Variants in DPH6 observed in about 807,000 individuals in gnomAD.
The protein encoded by DPH6 is diphthamine biosynthesis 6.
In DPH6, 33 loss-of-function variants were observed where a neutral mutation model predicts 38.2. The observed-to-expected ratio is 0.86, with a 90% confidence interval of 0.65 to 1.15. The LOEUF is 1.15. DPH6 is among the 50% of genes most tolerant of loss of function. The probability of loss-of-function intolerance (pLI) is 0.00; values close to 1 mark genes in which losing one functional copy is unlikely to be tolerated. For synonymous variants in DPH6, 108 were observed against 103.0 expected, an observed-to-expected ratio of 1.05 and a Z score of -0.30; for missense variants, 325 against 320.0, an observed-to-expected ratio of 1.02 and a Z score of -0.12.
At chr15:35,477,444 G>A (rs2054276328) in intron 3 of DPH6, among the ~76,000 whole-genome samples, 1 of 151,680 alleles carries the variant, frequency 6.6e-6, no homozygotes, top group Non-Finnish European at 1.5e-5. Context: ...TACTGCAAAG[G>A]CTGCATGGTA....
At chr15:35,401,490 C>G (rs1165433369) in intron 6 of DPH6, 1 of 770,766 alleles carries the variant, frequency 1.3e-6, no homozygotes, top group Non-Finnish European at 2.4e-6. Context: ...AGGGCAGTGG[C>G]TATGGCAGGA....
intron 3 of DPH6, among the ~76,000 whole-genome samples, chr15:35,361,103 C>A (rs995736984): frequency 1.3e-5 from 2 of 152,088 alleles, no homozygotes; most frequent in African/African-American, 2.4e-5. Flanking sequence ...CCAAGCGTGT[C>A]CGGAACTGAG....
At chr15:35,458,801 C>A (rs2054027974) in intron 3 of DPH6, among the ~76,000 whole-genome samples, 1 of 152,162 alleles carries the variant, frequency 6.6e-6, no homozygotes, top group Non-Finnish European at 1.5e-5. Flanking sequence ...TAATCATGTA[C>A]AATCAACTGC....
intron 3 of DPH6, among the ~76,000 whole-genome samples, chr15:35,225,646 C>T (rs1313907377): frequency 6.6e-6 from 1 of 152,128 alleles, no homozygotes; most frequent in African/African-American, 2.4e-5. Context: ...GATACAGAAT[C>T]AGCCATTTCT....
intron 3 of DPH6, among the ~76,000 whole-genome samples, chr15:35,289,025 T>C (rs1349233520): frequency 6.6e-6 from 1 of 151,552 alleles, no homozygotes; most frequent in African/African-American, 2.4e-5. Context: ...GAGGAACTTG[T>C]ATTTTTACCG....
intron 3 of DPH6, among the ~76,000 whole-genome samples, chr15:35,314,801 T>A (rs1272448132): frequency 6.6e-6 from 1 of 152,156 alleles, no homozygotes; most frequent in African/African-American, 2.4e-5. Flanking sequence ...CGTCTTCTCT[T>A]TTTCTGTGCA....
chr15:35,515,299 A>G (rs1348194528), intron 3 of DPH6, among the ~76,000 whole-genome samples: 2 of 152,118 alleles, frequency 1.3e-5, no homozygotes, highest in Non-Finnish European at 2.9e-5. Context: ...AATCATCTGA[A>G]AAAGTTCATA....
chr15:35,154,503 G>C, the DPH6 span, among the ~76,000 whole-genome samples: 1 of 152,054 alleles, frequency 6.6e-6, no homozygotes, highest in Non-Finnish European at 1.5e-5. Flanking sequence ...TCAACTGGTG[G>C]TAATTATTGT....
chr15:35,454,806 T>A lies in DPH6; in HGVS notation c.327A>T (p.Val109=). 1 of 1,599,252 alleles carries A rather than the reference T, an allele frequency of 6.3e-7. No individual in the cohort carries two copies. The highest frequency in any genetic ancestry group is 8.5e-7 in the Non-Finnish European group (1 of 1,175,316). The change falls in exon 4 of 9, where the codon GTA becomes GTT. Residue 109 remains valine, a synonymous_variant. Coordinates refer to ENST00000256538, the MANE Select transcript of DPH6 (RefSeq NM_080650.4). ...LLKLVKEKEE[V]EGISVGAILS... ...GTATAGCACCTACTGATATCCCCTC[T>A]ACTTCTTCTTTTTCCTGAAAATAAA...
intron 3 of DPH6, among the ~76,000 whole-genome samples, chr15:35,502,793 T>A (rs1447995375): frequency 6.6e-6 from 1 of 151,326 alleles, no homozygotes; most frequent in African/African-American, 2.4e-5. Context: ...TCAATTCATT[T>A]AAGTAGGAAC....
At chr15:35,178,949 G>A in the DPH6 span, among the ~76,000 whole-genome samples, 1 of 152,094 alleles carries the variant, frequency 6.6e-6, no homozygotes, top group Non-Finnish European at 1.5e-5. Flanking sequence ...GCTCACACTT[G>A]TAATCTCAGC....
At chr15:35,410,973 C>T in intron 5 of DPH6, 77 bp from the exon 6 acceptor site, 2 of 1,254,644 alleles carry the variant, frequency 1.6e-6, no homozygotes, top group Non-Finnish European at 2.2e-6. Flanking sequence ...TCCCTTGGCC[C>T]CTCCTCACCT....
At chr15:35,431,565 A>G (rs570568411) in intron 5 of DPH6, among the ~76,000 whole-genome samples, 1 of 152,290 alleles carries the variant, frequency 6.6e-6, no homozygotes, top group African/African-American at 2.4e-5. Context: ...CAGAGGCTAT[A>G]AAGACCCAAA....
the DPH6 span, among the ~76,000 whole-genome samples, chr15:35,160,058 T>G: frequency 1.3e-5 from 2 of 151,792 alleles, no homozygotes; most frequent in African/African-American, 4.8e-5. Flanking sequence ...GGAGAAGAAG[T>G]GGGGGAAGGA....
At chr15:35,262,639 G>C (rs2051755313) in intron 3 of DPH6, among the ~76,000 whole-genome samples, 1 of 146,594 alleles carries the variant, frequency 6.8e-6, no homozygotes, top group Non-Finnish European at 1.5e-5. Flanking sequence ...CCGGGAGGCG[G>C]AGCTTGCAGT....
At chr15:35,455,653 A>C (rs1595380317) in intron 3 of DPH6, among the ~76,000 whole-genome samples, 2 of 152,202 alleles carry the variant, frequency 1.3e-5, no homozygotes, top group East Asian at 3.8e-4. Context: ...ACACTTAGGG[A>C]AGAATAATAC....
At chr15:35,149,776 T>C in the DPH6 span, among the ~76,000 whole-genome samples, 1 of 152,352 alleles carries the variant, frequency 6.6e-6, no homozygotes, top group East Asian at 1.9e-4. Context: ...CAGTTATTTC[T>C]ATGGGCCAGG....
At chr15:35,298,467 C>A (rs2052030221) in intron 3 of DPH6, 2 of 768,134 alleles carry the variant, frequency 2.6e-6, no homozygotes, top group Non-Finnish European at 4.9e-6. Flanking sequence ...TTTTCACGTT[C>A]TTCCTTGGTT....
At chr15:35,344,583 C>G (rs944828002) in intron 3 of DPH6, among the ~76,000 whole-genome samples, 3 of 151,600 alleles carry the variant, frequency 2.0e-5, no homozygotes, top group Non-Finnish European at 4.4e-5. Context: ...AGTTAAATGA[C>G]CAAATGACAG....
Sources: gnomAD v4.1 joint callset for allele counts (sites outside exome capture counted in the v4.1 genomes callset) on GRCh38, gnomAD v4.1.1 for gene constraint, MANE v1.5 for transcripts, NCBI Gene and HGNC (gene_info 2026-07-23, HGNC 2026-07-21) for gene names.